MYO3A: variants seen among roughly 807,000 people sequenced by gnomAD.
The protein encoded by MYO3A is myosin-IIIa.
In MYO3A, 180 loss-of-function variants were observed where a neutral mutation model predicts 192.7. The observed-to-expected ratio is 0.93, with a 90% CI of 0.83 to 1.06. The LOEUF (loss-of-function observed/expected upper bound fraction) is 1.06. Among genes scored for constraint, MYO3A ranks in the 50% least tolerant of loss-of-function variants. The pLI is 0.00. For synonymous variants in MYO3A, 628 were observed against 645.3 expected (o/e 0.97, Z 0.41); for missense variants, 1,896 against 1,905.0 (o/e 1.00, Z 0.09).
chr10:25,974,434 A>G (rs1375335665), intron 4 of MYO3A, among the ~76,000 whole-genome samples: 2 of 152,106 alleles, frequency 1.3e-5, no homozygotes, highest in Admixed American at 1.3e-4. Context: ...TTAGGCTTTA[A>G]TTTTCCCACA....
intron 6 of MYO3A, among the ~76,000 whole-genome samples, chr10:26,001,638 A>G (rs2204023): frequency 0.61 from 93,047 of 151,968 alleles, 28,733 homozygotes; most frequent in Middle Eastern, 0.74. Context: ...TTAAACTAGA[A>G]AGCCACCATG....
chr10:26,053,694 G>A (rs114476624), intron 10 of MYO3A, among the ~76,000 whole-genome samples: 70 of 152,176 alleles, frequency 4.6e-4, no homozygotes, highest in African/African-American at 1.7e-3. Context: ...GTGTGGTGGT[G>A]TGTGCCTGTA....
chr10:26,047,971 T>A (rs1393486537), intron 10 of MYO3A, among the ~76,000 whole-genome samples: 1 of 152,178 alleles, frequency 6.6e-6, no homozygotes. Context: ...ACATTTTTAA[T>A]ACTCTAAATA....
chr10:26,129,617 G>A (rs1431456184), intron 20 of MYO3A, among the ~76,000 whole-genome samples: 1 of 152,072 alleles, frequency 6.6e-6, no homozygotes, highest in Admixed American at 6.6e-5. Flanking sequence ...ACTGCATTGC[G>A]TTTCTTCCTT....
chr10:26,084,360 T>C (rs1836169637), intron 14 of MYO3A, among the ~76,000 whole-genome samples: 1 of 152,206 alleles, frequency 6.6e-6, no homozygotes, highest in African/African-American at 2.4e-5. Context: ...TTATTGAGGA[T>C]TTTTGCATCA....
Position 26,202,259 on chromosome 10 carries a change from C to T in MYO3A, c.4587-705C>T, listed in dbSNP as rs140079685. On this transcript the variant is annotated intron_variant, in intron 33 of 34. Transcript: ENST00000642920. ...CTGAATCAGTGACATCCTGAAAGTCCTTTTTAGATTAGTATCTGTAATTTG... is the reference window on the plus strand; with the variant it reads ...CTGAATCAGTGACATCCTGAAAGTCTTTTTTAGATTAGTATCTGTAATTTG... 1.1e-3 allele frequency among the ~76,000 whole-genome samples: 162 copies of T among 152,202 alleles called. 2 individuals are homozygous for T. The highest frequency in any genetic ancestry group is 3.9e-3 in the African/African-American group (160 of 41,516).
At chr10:26,088,101 A>T in intron 14 of MYO3A, 102 bp from the exon 15 acceptor site, 1 of 922,238 alleles carries the variant, frequency 1.1e-6, no homozygotes, top group Non-Finnish European at 1.6e-6. Flanking sequence ...ATGCTTTTGT[A>T]TGTTTATATC....
intron 14 of MYO3A, among the ~76,000 whole-genome samples, chr10:26,073,245 A>G (rs1835320865): frequency 6.6e-6 from 1 of 151,730 alleles, no homozygotes; most frequent in Non-Finnish European, 1.5e-5. Context: ...AAGAACAAAC[A>G]CTGATACAAG....
chr10:26,205,608 C>CTTTTTTT (rs576007724), intron 34 of MYO3A, among the ~76,000 whole-genome samples: 35 of 68,630 alleles, frequency 5.1e-4, no homozygotes, highest in African/African-American at 8.4e-4. Context: ...CTTTTCTTTT[C>CTTTTTTT]TTTTTTTTTT....
chr10:26,135,701 G>A (rs764573616), intron 20 of MYO3A, among the ~76,000 whole-genome samples: 5 of 152,056 alleles, frequency 3.3e-5, no homozygotes, highest in Admixed American at 1.3e-4. Flanking sequence ...TCGACCGGGC[G>A]CAGTGGCTCA....
At chr10:25,941,036 G>T (rs1413493837) in intron 2 of MYO3A, among the ~76,000 whole-genome samples, 1 of 152,134 alleles carries the variant, frequency 6.6e-6, no homozygotes, top group Admixed American at 6.5e-5. Flanking sequence ...GATTAGATTT[G>T]TATTAGGCTG....
chr10:25,978,949 C>T (rs1200539685), intron 4 of MYO3A, among the ~76,000 whole-genome samples: 1 of 152,152 alleles, frequency 6.6e-6, no homozygotes, highest in Non-Finnish European at 1.5e-5. Flanking sequence ...TATTGCCTCT[C>T]GTCTGCTACT....
At chr10:26,184,846 T>C (rs1842787650) in intron 31 of MYO3A, among the ~76,000 whole-genome samples, 1 of 152,208 alleles carries the variant, frequency 6.6e-6, no homozygotes, top group South Asian at 2.1e-4. Context: ...TAATTTGTGA[T>C]TATAAATGTT....
At chr10:26,110,841 T>G (rs1377186086) in intron 17 of MYO3A, among the ~76,000 whole-genome samples, 1 of 151,622 alleles carries the variant, frequency 6.6e-6, no homozygotes, top group Non-Finnish European at 1.5e-5. Flanking sequence ...GATATATTTC[T>G]GGAAAATCGT....
intron 31 of MYO3A, among the ~76,000 whole-genome samples, chr10:26,188,125 C>T (rs1223191641): frequency 3.9e-5 from 6 of 152,144 alleles, no homozygotes; most frequent in Non-Finnish European, 7.4e-5. Context: ...AAAAGTGTTC[C>T]TATTTCTCCA....
rs199827354 is a variant in MYO3A at position 25,996,614 on chromosome 10, A to G, written c.408+20A>G. The G allele has an allele frequency of 3.7e-5, 58 of 1,575,832 alleles. No homozygotes were observed. Among genetic ancestry groups the G allele is most frequent in the Non-Finnish European group, 5.1e-5 (58 of 1,145,910 alleles). ...CTAATGGTAAGGCAATTTAAATTGT[A>G]TGTGCATTAATTATGAAGCAGTTCC... On this transcript the variant is annotated intron_variant, in intron 5 of 34. Coordinates refer to ENST00000642920, the MANE Select transcript of MYO3A (RefSeq NM_017433.5).
At chr10:26,003,580 G>A (rs1164892043) in intron 6 of MYO3A, among the ~76,000 whole-genome samples, 1 of 152,078 alleles carries the variant, frequency 6.6e-6, no homozygotes, top group Non-Finnish European at 1.5e-5. Flanking sequence ...TATTATTAAT[G>A]AAATGTATTA....
intron 6 of MYO3A, among the ~76,000 whole-genome samples, chr10:25,998,134 GGACA>G (rs1282765129): frequency 3.9e-5 from 6 of 152,088 alleles, no homozygotes; most frequent in African/African-American, 1.4e-4. Flanking sequence ...AAATATAGGT[GGACA>G]GACAGAGTCT....
At chr10:25,981,939 C>G (rs1165206879) in intron 4 of MYO3A, among the ~76,000 whole-genome samples, 1 of 152,108 alleles carries the variant, frequency 6.6e-6, no homozygotes, top group East Asian at 1.9e-4. Flanking sequence ...CCTGAGATGC[C>G]AAAAAACTGT....
Sources: gnomAD v4.1 joint callset for allele counts (sites outside exome capture counted in the v4.1 genomes callset) on GRCh38, gnomAD v4.1.1 for gene constraint, MANE v1.5 for transcripts, NCBI Gene and HGNC (gene_info 2026-07-23, HGNC 2026-07-21) for gene names.